TPH1: variants seen among roughly 807,000 people sequenced by gnomAD.
TPH1 encodes the protein tryptophan hydroxylase 1.
In TPH1, 37 loss-of-function variants were observed where a neutral mutation model predicts 49.5. That is an observed-to-expected ratio of 0.75 (90% CI 0.58 to 0.98). The LOEUF is 0.98. Among genes scored for constraint, TPH1 ranks in the 50% least tolerant of loss-of-function variants. The pLI, the probability that TPH1 is intolerant of heterozygous loss-of-function variation, is 0.00. For synonymous variants in TPH1, 160 were observed against 182.1 expected, an observed-to-expected ratio of 0.88 and a Z score of 0.98; for missense variants, 487 against 523.6, an observed-to-expected ratio of 0.93 and a Z score of 0.68.
chr11:18,031,423 A>G (rs1316235935), intron 4 of TPH1, among the ~76,000 whole-genome samples: 1 of 152,118 alleles, frequency 6.6e-6, no homozygotes, highest in Non-Finnish European at 1.5e-5. Context: ...TGCTACAATC[A>G]TTTGTGTATA....
rs1854341769 is a variant in TPH1 at position 18,020,169 on chromosome 11, TCTA to T, written c.*819_*821del. 1 of 159,426 alleles carries T rather than the reference TCTA, an allele frequency of 6.3e-6. No individual in the cohort carries two copies. The highest frequency in any genetic ancestry group is 6.1e-5 in the Admixed American group (1 of 16,282). The allele number at this position is 159,426 out of a possible 1,614,324, so 9.9% of individuals were successfully genotyped here. ...AGTACAGCCCCATGCAAGTCGCATCTCTACTAAGTTTCCCTTGGACCCATGAGT... is the reference window on the plus strand; with the variant it reads ...AGTACAGCCCCATGCAAGTCGCATCTCTAAGTTTCCCTTGGACCCATGAGT... On this transcript the variant is annotated 3_prime_UTR_variant, in exon 11 of 11. Coordinates refer to ENST00000682019, the MANE Select transcript of TPH1 (RefSeq NM_004179.3).
chr11:18,025,729 C>T (rs2134026632), intron 7 of TPH1, 28 bp from the exon 8 acceptor site: 1 of 1,613,452 alleles, frequency 6.2e-7, no homozygotes, highest in South Asian at 1.1e-5. Context: ...GTTTGTCACG[C>T]TGCAGTGCTT....
At chr11:18,029,106 C>G in intron 6 of TPH1, 59 bp downstream of exon 6, 58 of 730,438 alleles carry the variant, frequency 7.9e-5, no homozygotes, top group Non-Finnish European at 1.1e-4. Flanking sequence ...AAAAAAAATG[C>G]TGTCATGATC....
rs149561110 is a variant in TPH1, at chr11:18,025,671, G to A, written c.834C>T (p.Val278=). 37 of 1,613,994 alleles carry A rather than the reference G, an allele frequency of 2.3e-5. No individual in the cohort carries two copies. The African/African-American group carries it at 4.5e-4, about 20-fold the overall frequency. The change falls in exon 8 of 11, where the codon GTC becomes GTT. Residue 278 remains valine (V), a synonymous_variant. Transcript: ENST00000682019. ...PDTCHELLGH[V]PLLAEPSFAQ... The stretch of plus-strand genomic sequence containing the variant: ...CAAAACTAGGTTCAGCCAAAAGCGG[G>A]ACATGACCTAAGAGTTCATGGCAGG...
At chr11:18,032,537 CTTTTT>C (rs34366393) in intron 4 of TPH1, among the ~76,000 whole-genome samples, 13 of 86,302 alleles carry the variant, frequency 1.5e-4, no homozygotes, top group Non-Finnish European at 2.1e-5. Flanking sequence ...TTGTTGAAAT[CTTTTT>C]TTTTTTTTTT....
chr11:18,022,631 T>C (rs140288191), intron 10 of TPH1, among the ~76,000 whole-genome samples, 167 bp downstream of exon 10: 121 of 152,340 alleles, frequency 7.9e-4, no homozygotes, highest in African/African-American at 2.7e-3. Flanking sequence ...TGCAAAATCC[T>C]TATATACAAC....
chr11:18,029,253 A>G lies in TPH1; in HGVS notation c.579T>C (p.Tyr193=), dbSNP rs753448658. 1.9e-6 allele frequency: 3 copies of G among 1,613,930 alleles called. No individual in the cohort carries two copies. Among genetic ancestry groups the G allele is most frequent in the Admixed American group, 1.7e-5 (1 of 60,000 alleles). The change falls in exon 6 of 11, where the codon TAT becomes TAC. Residue 193 remains tyrosine (Y), a synonymous_variant. Transcript: ENST00000682019. ...TAGAAAGCAAAGGTAAGTTTTTGAG[A>G]TACTCTCTGCAAGCATGGGTTGGGT... ...KLYPTHACRE[Y]LKNLPLLSKY... is the part of the protein sequence containing the mutation.
intron 10 of TPH1, among the ~76,000 whole-genome samples, chr11:18,022,350 A>G (rs1026060955): frequency 1.3e-5 from 2 of 152,178 alleles, no homozygotes; most frequent in African/African-American, 4.8e-5. Flanking sequence ...CTCTCAGTCT[A>G]AAACTTAATA....
In TPH1 at chr11:18,020,854, A is replaced by C. The variant is rs1854351616; in HGVS notation, c.*137T>G. On this transcript the variant is annotated 3_prime_UTR_variant, in exon 11 of 11. Transcript: ENST00000682019. ...AGGTACAAATTTTCAAAGACTAGTG[A>C]TTCCTTAAGTAGTGGAATTCGATAA... is the stretch of plus-strand genomic sequence containing the variant. 7 of 795,326 alleles carry C rather than the reference A, an allele frequency of 8.8e-6. No individual in the cohort carries two copies. The highest frequency in any genetic ancestry group is 1.5e-5 in the Non-Finnish European group (7 of 468,592). 49.3% of individuals were successfully genotyped at this position (795,326 alleles called of 1,614,324 possible). A position where few individuals can be genotyped will look rare whatever the true frequency, so the allele number is the denominator to read the frequency against.
At chr11:18,037,852 G>A (rs1271135286) in intron 2 of TPH1, among the ~76,000 whole-genome samples, 1 of 152,218 alleles carries the variant, frequency 6.6e-6, no homozygotes, top group East Asian at 1.9e-4. Context: ...TTGGCCAGAA[G>A]CACACAGGTG....
chr11:18,023,547 C>T (rs1854388357), intron 9 of TPH1, among the ~76,000 whole-genome samples: 1 of 151,978 alleles, frequency 6.6e-6, no homozygotes, highest in African/African-American at 2.4e-5. Context: ...GTGTGTATTA[C>T]TAATGCAATG....
At chr11:18,046,097 C>A (rs1212210564) in intron 1 of TPH1, among the ~76,000 whole-genome samples, 144 bp downstream of exon 1, 1 of 152,180 alleles carries the variant, frequency 6.6e-6, no homozygotes, top group Admixed American at 6.5e-5. Context: ...TATAGGGGTA[C>A]AACTCCGACC....
chr11:18,044,476 G>C (rs1400019584), intron 1 of TPH1, among the ~76,000 whole-genome samples: 1 of 152,064 alleles, frequency 6.6e-6, no homozygotes, highest in East Asian at 1.9e-4. Context: ...AAAAATGAAG[G>C]TTCTCAAAAG....
chr11:18,042,594 A>G (rs1278824785), intron 1 of TPH1, among the ~76,000 whole-genome samples: 1 of 152,206 alleles, frequency 6.6e-6, no homozygotes, highest in East Asian at 1.9e-4. Context: ...TCATGATTAT[A>G]AGGAGGATTA....
intron 6 of TPH1, among the ~76,000 whole-genome samples, chr11:18,028,342 ATAATGGG>A (rs1245878034): frequency 6.6e-6 from 1 of 152,194 alleles, no homozygotes; most frequent in East Asian, 1.9e-4. Flanking sequence ...CCTCTACCAA[ATAATGGG>A]TGTGGAGCTT....
intron 2 of TPH1, among the ~76,000 whole-genome samples, chr11:18,040,142 G>A (rs1848085501): frequency 6.7e-6 from 1 of 148,610 alleles, no homozygotes; most frequent in Non-Finnish European, 1.5e-5. Flanking sequence ...ATTAAAATTT[G>A]CTTCTCTAAA....
chr11:18,021,215 T>G, intron 10 of TPH1, 50 bp from the exon 11 acceptor site: 1 of 1,561,938 alleles, frequency 6.4e-7, no homozygotes, highest in Non-Finnish European at 8.8e-7. Context: ...GAGTGAATGA[T>G]GAAAACTAAA....
At chr11:18,035,778 T>A (rs573579182) in intron 3 of TPH1, among the ~76,000 whole-genome samples, 181 bp downstream of exon 3, 1 of 152,286 alleles carries the variant, frequency 6.6e-6, no homozygotes, top group Non-Finnish European at 1.5e-5. Context: ...TGATCAAATG[T>A]TGCTTTATAA....
intron 6 of TPH1, among the ~76,000 whole-genome samples, chr11:18,028,874 G>A (rs1036392289): frequency 6.6e-6 from 1 of 152,032 alleles, no homozygotes; most frequent in Non-Finnish European, 1.5e-5. Flanking sequence ...AGACCAGCCT[G>A]GCCAACATGG....
Sources: gnomAD v4.1 joint callset for allele counts (sites outside exome capture counted in the v4.1 genomes callset) on GRCh38, gnomAD v4.1.1 for gene constraint, MANE v1.5 for transcripts, NCBI Gene and HGNC (gene_info 2026-07-23, HGNC 2026-07-21) for gene names.